The following RPA1 variants were observed in gnomAD, a reference collection of about 807,000 sequenced individuals.
RPA1 encodes replication protein A1, also known as replication protein A 70 kDa DNA-binding subunit.
RPA1 carries 49 observed loss-of-function variants against 83.0 expected under a neutral mutation model. That is an observed-to-expected ratio of 0.59 (90% CI 0.47 to 0.75). RPA1 has a LOEUF of 0.75. Ranked by LOEUF, RPA1 falls within the 30% of genes least tolerant of loss-of-function variation. The probability of loss-of-function intolerance (pLI) is 0.00; values close to 1 mark genes in which losing one functional copy is unlikely to be tolerated. For synonymous variants in RPA1, 279 were observed against 281.8 expected, an observed-to-expected ratio of 0.99 and a Z score of 0.10; for missense variants, 693 against 776.1, an observed-to-expected ratio of 0.89 and a Z score of 1.27.
chr17:1,897,778 A>G lies in RPA1; in HGVS notation c.*603A>G, dbSNP rs1233615667. On this transcript the variant is annotated 3_prime_UTR_variant, in exon 17 of 17. Coordinates refer to ENST00000254719, the MANE Select transcript of RPA1 (RefSeq NM_002945.5). Reference sequence around the variant, plus strand: ...GAGTATCCTTCCTTCAGGGTTTAATAGACTGAGTCAGATGGGTCTGATATT... The same window carrying G: ...GAGTATCCTTCCTTCAGGGTTTAATGGACTGAGTCAGATGGGTCTGATATT... 1 of 153,536 alleles carries G rather than the reference A, an allele frequency of 6.5e-6. No individual in the cohort carries two copies. Among genetic ancestry groups the G allele is most frequent in the Non-Finnish European group, 1.5e-5 (1 of 68,654 alleles). The allele number at this position is 153,536 out of a possible 1,614,324, so 9.5% of individuals were successfully genotyped here.
intron 4 of RPA1, among the ~76,000 whole-genome samples, chr17:1,848,856 A>T (rs1912366065): frequency 6.6e-6 from 1 of 151,870 alleles, no homozygotes; most frequent in Non-Finnish European, 1.5e-5. Flanking sequence ...GAGCCACCGC[A>T]CCCAGCCTGT....
chr17:1,843,960 A>T lies in RPA1; in HGVS notation c.125A>T (p.Tyr42Phe), dbSNP rs780226221. 67 of 1,613,914 alleles carry T rather than the reference A, an allele frequency of 4.2e-5. No homozygotes were observed. The highest frequency in any genetic ancestry group is 5.4e-5 in the Non-Finnish European group (64 of 1,179,972). ...ACTACGGGGAATAGTCCGCCGCGTT[A>T]TCGACTGCTCATGAGTGATGGATTG... is the stretch of plus-strand genomic sequence containing the variant. ...PITTGNSPPR[Y>F]RLLMSDGLNT... The change falls in exon 3 of 17, where the codon TAT becomes TTT. Residue 42 changes from tyrosine to phenylalanine, a missense_variant. Coordinates refer to ENST00000254719, the MANE Select transcript of RPA1 (RefSeq NM_002945.5).
intron 6 of RPA1, among the ~76,000 whole-genome samples, chr17:1,873,365 C>T (rs561060003): frequency 3.7e-4 from 57 of 152,252 alleles, no homozygotes; most frequent in African/African-American, 1.3e-3. Context: ...ACTTTAGGAA[C>T]CTCTTGATCT....
In RPA1 at chr17:1,879,001, C is replaced by A. The variant is rs1208318589; in HGVS notation, c.699C>A (p.Ile233=). The A allele has an allele frequency of 6.2e-7, 1 of 1,614,056 alleles. No individual in the cohort carries two copies. The highest frequency in any genetic ancestry group is 1.3e-5 in the African/African-American group (1 of 74,910). ...CCCACGTGCTTCTGCAGGGTGAAATCCGAGCTACAGCTTTCAATGAGCAAG... is the reference window on the plus strand; with the variant it reads ...CCCACGTGCTTCTGCAGGGTGAAATACGAGCTACAGCTTTCAATGAGCAAG... ...SLELVDESGE[I]RATAFNEQVD... The change falls in exon 9 of 17, where the codon ATC becomes ATA. Residue 233 remains isoleucine (I), a synonymous_variant. Coordinates refer to ENST00000254719, the MANE Select transcript of RPA1 (RefSeq NM_002945.5).
intron 14 of RPA1, 123 bp downstream of exon 14, chr17:1,888,974 T>C (rs1914101823): frequency 1.3e-5 from 13 of 1,015,230 alleles, no homozygotes; most frequent in Non-Finnish European, 1.7e-5. Flanking sequence ...GATGAGTAGG[T>C]GTGGAAGAGC....
chr17:1,851,428 G>A (rs1011267162), intron 4 of RPA1, among the ~76,000 whole-genome samples: 1 of 152,134 alleles, frequency 6.6e-6, no homozygotes, highest in Non-Finnish European at 1.5e-5. Flanking sequence ...AAGAAACCAG[G>A]TCATTTATCC....
intron 1 of RPA1, among the ~76,000 whole-genome samples, chr17:1,841,729 G>C (rs1451384000): frequency 6.6e-6 from 1 of 152,126 alleles, no homozygotes; most frequent in African/African-American, 2.4e-5. Flanking sequence ...GCATATTATT[G>C]TCTTTTACTG....
At chr17:1,889,636 C>T (rs1322573954) in intron 14 of RPA1, among the ~76,000 whole-genome samples, 6 of 152,234 alleles carry the variant, frequency 3.9e-5, no homozygotes, top group African/African-American at 7.2e-5. Context: ...CCACTGCACC[C>T]GGCCTTAAGA....
intron 1 of RPA1, among the ~76,000 whole-genome samples, chr17:1,833,063 A>C (rs1911682421): frequency 6.6e-6 from 1 of 152,048 alleles, no homozygotes; most frequent in Non-Finnish European, 1.5e-5. Context: ...AGAAGCTGGG[A>C]TTACAGGTGC....
intron 4 of RPA1, 52 bp from the exon 5 acceptor site, chr17:1,853,049 A>G (rs1417307018): frequency 4.2e-6 from 6 of 1,415,196 alleles, no homozygotes; most frequent in African/African-American, 2.8e-5. Context: ...GTAGCTTATC[A>G]TTTGAACAGA....
At chr17:1,895,563 C>A (rs965149976) in intron 16 of RPA1, among the ~76,000 whole-genome samples, 1 of 151,750 alleles carries the variant, frequency 6.6e-6, no homozygotes, top group Admixed American at 6.6e-5. Flanking sequence ...CATAGTGAAA[C>A]CCCGTTTCTA....
Position 1,897,192 on chromosome 17 carries a change from C to T in RPA1, c.*17C>T, listed in dbSNP as rs200741601. On this transcript the variant is annotated 3_prime_UTR_variant, in exon 17 of 17. Coordinates refer to ENST00000254719, the MANE Select transcript of RPA1 (RefSeq NM_002945.5). Reference sequence around the variant, plus strand: ...TTGATGTGAGAGGAGCAGTGCCAATCGGGCAGAAGTTTGCAAATAGGCAGA... The same window carrying T: ...TTGATGTGAGAGGAGCAGTGCCAATTGGGCAGAAGTTTGCAAATAGGCAGA... 1.2e-5 allele frequency: 18 copies of T among 1,529,920 alleles called. No individual in the cohort carries two copies. The highest frequency in any genetic ancestry group is 1.7e-4 in the Middle Eastern group (1 of 5,884). The allele number at this position is 1,529,920 out of a possible 1,614,324, so 94.8% of individuals were successfully genotyped here.
At chr17:1,868,399 T>C (rs1913261818) in intron 5 of RPA1, among the ~76,000 whole-genome samples, 1 of 152,192 alleles carries the variant, frequency 6.6e-6, no homozygotes, top group African/African-American at 2.4e-5. Flanking sequence ...CAGCACCTAA[T>C]CCAGAACTTG....
chr17:1,856,839 A>G (rs1006485476), intron 5 of RPA1, among the ~76,000 whole-genome samples: 1 of 151,760 alleles, frequency 6.6e-6, no homozygotes, highest in Non-Finnish European at 1.5e-5. Flanking sequence ...ACATACATAT[A>G]TGTTTCCTTG....
intron 5 of RPA1, among the ~76,000 whole-genome samples, chr17:1,862,845 G>C (rs1215382366): frequency 6.8e-6 from 1 of 146,316 alleles, no homozygotes; most frequent in South Asian, 2.2e-4. Context: ...AGGCTCCCAA[G>C]TAGCTGGGAT....
chr17:1,861,939 G>A (rs953151311), intron 5 of RPA1, among the ~76,000 whole-genome samples: 3 of 150,968 alleles, frequency 2.0e-5, no homozygotes, highest in Non-Finnish European at 4.4e-5. Context: ...TCACTGTGTC[G>A]CCCAGGCTGG....
intron 13 of RPA1, among the ~76,000 whole-genome samples, chr17:1,887,726 A>G (rs1914046799): frequency 6.7e-6 from 1 of 149,302 alleles, no homozygotes; most frequent in Admixed American, 6.7e-5. Flanking sequence ...CATCTCTACT[A>G]AAAAATACAA....
chr17:1,884,055 G>T lies in RPA1; in HGVS notation c.1374+111G>T. ...GTCAGAGCCGTAATTCTTACCCGGG[G>T]CTGTGACCTGAGCGTGGCATGGGGG... On this transcript the variant is annotated intron_variant, in intron 13 of 16. Transcript: ENST00000254719. The surrounding 1 kb of genome is among the most constrained non-coding windows in gnomAD (Gnocchi z 4.1). 6.9e-7 allele frequency: 1 copy of T among 1,453,206 alleles called. No homozygotes were observed. Among genetic ancestry groups the T allele is most frequent in the Non-Finnish European group, 9.4e-7 (1 of 1,065,174 alleles). The allele number at this position is 1,453,206 out of a possible 1,614,324, so 90.0% of individuals were successfully genotyped here. A position where few individuals can be genotyped will look rare whatever the true frequency, so the allele number is the denominator to read the frequency against.
intron 1 of RPA1, among the ~76,000 whole-genome samples, chr17:1,841,039 C>T (rs1912026844): frequency 6.6e-6 from 1 of 152,066 alleles, no homozygotes; most frequent in Admixed American, 6.6e-5. Flanking sequence ...CACGCTCTAG[C>T]ACGACAGAGC....
Sources: allele counts gnomAD v4.1 joint callset (sites outside exome capture counted in the v4.1 genomes callset), GRCh38; gene constraint gnomAD v4.1.1; non-coding constraint Gnocchi (gnomAD v3.1); transcripts MANE v1.5; gene names NCBI Gene and HGNC (gene_info 2026-07-23, HGNC 2026-07-21).